CDCP1: variants seen among roughly 807,000 people sequenced by gnomAD.
CDCP1 encodes CUB domain containing protein 1, also known as CUB domain-containing protein 1.
In CDCP1, 29 loss-of-function variants were observed where a neutral mutation model predicts 60.2. The observed-to-expected ratio is 0.48, with a 90% confidence interval of 0.36 to 0.66. CDCP1 has a LOEUF of 0.66. Ranked by LOEUF, CDCP1 falls within the 30% of genes least tolerant of loss-of-function variation. CDCP1 has a pLI of 0.00. For synonymous variants in CDCP1, 387 were observed against 431.1 expected (o/e 0.90, Z 1.27); for missense variants, 876 against 1,074.3 (o/e 0.82, Z 2.58).
At position 45,084,583 on chromosome 3, in the gene CDCP1, C is replaced by G. The variant is rs1202313978; in HGVS notation, c.*1055G>C. The G allele has an allele frequency of 6.6e-6, 1 of 152,274 alleles. No individual in the cohort carries two copies. The highest frequency in any genetic ancestry group is 1.5e-5 in the Non-Finnish European group (1 of 68,052). 9.4% of individuals were successfully genotyped at this position (152,274 alleles called of 1,614,324 possible). A position where few individuals can be genotyped will look rare whatever the true frequency, so the allele number is the denominator to read the frequency against. On this transcript the variant is annotated 3_prime_UTR_variant, in exon 9 of 9. Transcript: ENST00000296129. ...GCCAGCCTCTAGAAGCTTGAAATGGCAAGGAACCGGCTTCTCCCTAGAGCC... is the reference window on the plus strand; with the variant it reads ...GCCAGCCTCTAGAAGCTTGAAATGGGAAGGAACCGGCTTCTCCCTAGAGCC...
Position 45,093,267 on chromosome 3 carries a change from C to T in CDCP1, c.1627+10G>A. 1 of 1,609,088 alleles carries T rather than the reference C, an allele frequency of 6.2e-7. No homozygotes were observed. The highest frequency in any genetic ancestry group is 8.5e-7 in the Non-Finnish European group (1 of 1,176,752). On this transcript the variant is annotated intron_variant, in intron 6 of 8. Transcript: ENST00000296129. Reference sequence around the variant, plus strand: ...TAAAGGGGCATGGAGATAGGGGAGACCCCCCTTACCTTTGAAATAAGGTAT... The same window carrying T: ...TAAAGGGGCATGGAGATAGGGGAGATCCCCCTTACCTTTGAAATAAGGTAT...
chr3:45,126,177 T>TC (rs1698993569), intron 1 of CDCP1, among the ~76,000 whole-genome samples: 2 of 125,020 alleles, frequency 1.6e-5, no homozygotes, highest in East Asian at 2.2e-4. Flanking sequence ...TTTCTTTCCT[T>TC]CTTTCTCTCT....
intron 1 of CDCP1, among the ~76,000 whole-genome samples, chr3:45,126,946 G>C (rs1699010650): frequency 6.6e-6 from 1 of 152,182 alleles, no homozygotes; most frequent in Non-Finnish European, 1.5e-5. Context: ...TTGTGTCCCA[G>C]CTCTGACACC....
intron 2 of CDCP1, among the ~76,000 whole-genome samples, chr3:45,115,999 T>C (rs903157285): frequency 6.6e-6 from 1 of 152,248 alleles, no homozygotes; most frequent in Admixed American, 6.5e-5. Context: ...CTTATTAAGA[T>C]AATCTCTATA....
At position 45,108,808 on chromosome 3, in the gene CDCP1, CATGTATACATATATATGCATGTATAT is replaced by C. The variant is rs1698625012; in HGVS notation, c.1024+1639_1024+1664del. Among the ~76,000 whole-genome samples, 3 of 28,886 alleles carry C rather than the reference CATGTATACATATATATGCATGTATAT, an allele frequency of 1.0e-4. 1 individual carries two copies. Among genetic ancestry groups the C allele is most frequent in the Non-Finnish European group, 2.2e-4 (3 of 13,788 alleles). 19.0% of individuals were successfully genotyped at this position (28,886 alleles called of 152,430 possible). On this transcript the variant is annotated intron_variant, in intron 4 of 8. Coordinates refer to ENST00000296129, the MANE Select transcript of CDCP1 (RefSeq NM_022842.5). ...ATATATGCATGTATATATATATATG[CATGTATACATATATATGCATGTATAT>C]ATATATATGCATGTATACATATATA...
intron 4 of CDCP1, among the ~76,000 whole-genome samples, chr3:45,096,980 C>T (rs1240970210): frequency 6.6e-6 from 1 of 152,122 alleles, no homozygotes; most frequent in African/African-American, 2.4e-5. Flanking sequence ...GATTATTGGT[C>T]ATTTAGGTGA....
At chr3:45,099,060 A>G (rs1589281) in intron 4 of CDCP1, among the ~76,000 whole-genome samples, 104,459 of 151,630 alleles carry the variant, frequency 0.69, 36,873 homozygotes, top group Admixed American at 0.8. Flanking sequence ...CACTGTTATC[A>G]TGGGATTCCC....
At chr3:45,139,505 C>T (rs945327377) in intron 1 of CDCP1, 1 of 152,400 alleles carries the variant, frequency 6.6e-6, no homozygotes, top group Non-Finnish European at 1.5e-5. Context: ...CCTCCTCCCT[C>T]CACCAACTTC....
At position 45,118,499 on chromosome 3, in the gene CDCP1, A is replaced by G; in HGVS notation, c.205T>C (p.Ser69Pro). The change falls in exon 2 of 9, where the codon TCC becomes CCC. Residue 69 changes from serine (S) to proline (P), a missense_variant. Transcript: ENST00000296129. ...VISKRHITML[S>P]IKSGERIVFT... ...ACTATTCTTTCTCCAGACTTGATGG[A>G]CAACATGGTTATATGTCTTTTAGAA... 6.2e-7 allele frequency: 1 copy of G among 1,614,194 alleles called. No individual in the cohort carries two copies.
At chr3:45,116,537 C>A (rs183662450) in intron 2 of CDCP1, among the ~76,000 whole-genome samples, 5 of 152,276 alleles carry the variant, frequency 3.3e-5, no homozygotes, top group Admixed American at 3.3e-4. Context: ...ATATCGTCTA[C>A]AGCAGATTTC....
At chr3:45,115,407 G>C (rs1186752313) in intron 2 of CDCP1, among the ~76,000 whole-genome samples, 2 of 152,204 alleles carry the variant, frequency 1.3e-5, no homozygotes, top group African/African-American at 4.8e-5. Context: ...ATGTATGTAA[G>C]TGTGCATGTG....
Position 45,112,257 on chromosome 3 carries a change from G to A in CDCP1, c.481C>T (p.His161Tyr). 6.2e-7 allele frequency: 1 copy of A among 1,614,206 alleles called. No homozygotes were observed. The highest frequency in any genetic ancestry group is 1.1e-5 in the South Asian group (1 of 91,088). ...PGESCPDGVT[H>Y]SISGRIDATV... Reference sequence around the variant, plus strand: ...GCATCGATTCGGCCGCTGATGGAGTGAGTGACTCCGTCTGGGCAGCTCTCA... The same window carrying A: ...GCATCGATTCGGCCGCTGATGGAGTAAGTGACTCCGTCTGGGCAGCTCTCA... Residue 161 changes from histidine to tyrosine, a missense_variant, in exon 3 of 9, where the codon CAC (histidine) becomes TAC (tyrosine). His to Tyr is a moderately conservative substitution (Grantham distance 83). Coordinates refer to ENST00000296129, the MANE Select transcript of CDCP1 (RefSeq NM_022842.5).
chr3:45,132,692 C>G (rs183937079), intron 1 of CDCP1, among the ~76,000 whole-genome samples: 2 of 152,232 alleles, frequency 1.3e-5, no homozygotes, highest in Non-Finnish European at 2.9e-5. Context: ...CTAAAAACAT[C>G]AACTGTGCAG....
At chr3:45,133,171 A>C (rs1699127478) in intron 1 of CDCP1, among the ~76,000 whole-genome samples, 1 of 152,150 alleles carries the variant, frequency 6.6e-6, no homozygotes, top group Admixed American at 6.5e-5. Context: ...GAAAGCCAGC[A>C]AGGAAAGGGA....
chr3:45,134,351 C>G (rs1424520719), intron 1 of CDCP1, among the ~76,000 whole-genome samples: 2 of 152,208 alleles, frequency 1.3e-5, no homozygotes, highest in African/African-American at 4.8e-5. Flanking sequence ...GTCTCGATCT[C>G]CTGACCTCGT....
rs1354520386 is a variant in CDCP1 at position 45,083,441 on chromosome 3, A to C, written c.*2197T>G. 6.6e-6 allele frequency: 1 copy of C among 152,226 alleles called. No homozygotes were observed. Among genetic ancestry groups the C allele is most frequent in the Non-Finnish European group, 1.5e-5 (1 of 68,044 alleles). The allele number at this position is 152,226 out of a possible 1,614,324, so 9.4% of individuals were successfully genotyped here. A position where few individuals can be genotyped will look rare whatever the true frequency, so the allele number is the denominator to read the frequency against. On this transcript the variant is annotated 3_prime_UTR_variant, in exon 9 of 9. Coordinates refer to ENST00000296129, the MANE Select transcript of CDCP1 (RefSeq NM_022842.5). The stretch of plus-strand genomic sequence containing the variant: ...GAACAAGTTGAGGCGGTGCATTTCC[A>C]AGGTGAATTCATTGAATACAATGAA...
Position 45,091,974 on chromosome 3 carries a change from T to C in CDCP1, c.1628-436A>G, listed in dbSNP as rs1236816115. Among the ~76,000 whole-genome samples the C allele has an allele frequency of 6.6e-6, 1 of 152,134 alleles. No individual in the cohort carries two copies. The highest frequency in any genetic ancestry group is 1.5e-5 in the Non-Finnish European group (1 of 68,026). On this transcript the variant is annotated intron_variant, in intron 6 of 8. Transcript: ENST00000296129. This position sits in a 1 kb window ranked among gnomAD's most constrained non-coding sequence, Gnocchi z 4.8. ...ATGACCGGCTAATTTTTTGTATTTT[T>C]AGTAGAGATGGGGTTTCACCGTGTT...
intron 2 of CDCP1, among the ~76,000 whole-genome samples, chr3:45,116,743 A>C (rs1698797176): frequency 6.6e-6 from 1 of 151,582 alleles, no homozygotes; most frequent in Non-Finnish European, 1.5e-5. Context: ...ACTAACCCAA[A>C]CTGTTCTCCC....
Position 45,112,429 on chromosome 3 carries a change from T to C in CDCP1, c.309A>G (p.Pro103=), listed in dbSNP as rs1576099051. ...IQKNIDCMSG[P]CPFGEVQLQP... ...GAAGCTGAACCTCCCCAAAAGGACATGGGCCTGACATACAGTCTGAAAAAC... is the reference window on the plus strand; with the variant it reads ...GAAGCTGAACCTCCCCAAAAGGACACGGGCCTGACATACAGTCTGAAAAAC... Residue 103 remains proline (P), a synonymous_variant, in exon 3 of 9, where the codon CCA becomes CCG. Transcript: ENST00000296129. 1.2e-6 allele frequency: 2 copies of C among 1,613,696 alleles called. No homozygotes were observed. The highest frequency in any genetic ancestry group is 1.7e-6 in the Non-Finnish European group (2 of 1,179,654).
Sources: gnomAD v4.1 joint callset for allele counts (sites outside exome capture counted in the v4.1 genomes callset) on GRCh38, gnomAD v4.1.1 for gene constraint, Gnocchi (gnomAD v3.1) non-coding constraint, MANE v1.5 for transcripts, NCBI Gene and HGNC (gene_info 2026-07-23, HGNC 2026-07-21) for gene names.